Variants in JAM2 observed in about 807,000 individuals in gnomAD.
The protein encoded by JAM2 is junctional adhesion molecule B.
Under a neutral mutation model 42.0 loss-of-function variants are expected in JAM2, and 17 were observed. The ratio of observed to expected loss-of-function variants is 0.40; its 90% CI spans 0.28 to 0.61. The LOEUF is 0.61. Among genes scored for constraint, JAM2 ranks in the 20% least tolerant of loss-of-function variants. The pLI is 0.37. For synonymous variants in JAM2, 118 were observed against 128.6 expected, an observed-to-expected ratio of 0.92 and a Z score of 0.56; for missense variants, 319 against 358.3, an observed-to-expected ratio of 0.89 and a Z score of 0.89.
At chr21:25,677,673 T>A (rs1454762949) in intron 1 of JAM2, among the ~76,000 whole-genome samples, 1 of 152,210 alleles carries the variant, frequency 6.6e-6, no homozygotes. Flanking sequence ...TTCAAAGGTA[T>A]GATGATACAG....
intron 4 of JAM2, among the ~76,000 whole-genome samples, chr21:25,698,287 T>C (rs141233973): frequency 7.2e-5 from 11 of 152,328 alleles, no homozygotes; most frequent in African/African-American, 2.6e-4. Context: ...ATCTTCAATA[T>C]ATGACGTTCC....
chr21:25,640,551 C>A (rs1453270560), intron 1 of JAM2, among the ~76,000 whole-genome samples: 2 of 152,216 alleles, frequency 1.3e-5, no homozygotes, highest in African/African-American at 4.8e-5. Flanking sequence ...CCACATGATC[C>A]AGTAGCTGGG....
At chr21:25,702,332 G>A (rs2034183926) in intron 6 of JAM2, 63 bp downstream of exon 6, 3 of 987,892 alleles carry the variant, frequency 3.0e-6, no homozygotes, top group Middle Eastern at 2.1e-4. Context: ...ACAGCAGTTG[G>A]GGGTACAAGG....
chr21:25,704,635 T>A (rs946587979), intron 6 of JAM2, among the ~76,000 whole-genome samples: 3 of 152,246 alleles, frequency 2.0e-5, no homozygotes, highest in African/African-American at 7.2e-5. Context: ...TTTGAAGAAT[T>A]GCTCCTTTAA....
chr21:25,659,226 A>G (rs948649764), intron 1 of JAM2, among the ~76,000 whole-genome samples: 5 of 150,990 alleles, frequency 3.3e-5, no homozygotes, highest in African/African-American at 7.3e-5. Flanking sequence ...TAAAATGAAA[A>G]TAGAAAACAT....
At chr21:25,697,767 T>C (rs1398591419) in intron 4 of JAM2, among the ~76,000 whole-genome samples, 1 of 152,082 alleles carries the variant, frequency 6.6e-6, no homozygotes, top group Admixed American at 6.5e-5. Context: ...TAGCTGGTCG[T>C]GGTGGCTCGA....
At chr21:25,695,728 G>A (rs1430130201) in intron 4 of JAM2, among the ~76,000 whole-genome samples, 37 of 147,874 alleles carry the variant, frequency 2.5e-4, no homozygotes, top group South Asian at 4.3e-4. Context: ...GCTGCCAGGC[G>A]GAGGGGCTCC....
chr21:25,699,753 A>AAAT (rs2034126996), intron 5 of JAM2, among the ~76,000 whole-genome samples: 1 of 145,900 alleles, frequency 6.9e-6, no homozygotes, highest in Admixed American at 6.8e-5. Context: ...AAAAAAAAAA[A>AAAT]AATGCATGCT....
intron 1 of JAM2, among the ~76,000 whole-genome samples, chr21:25,672,681 G>C (rs935356385): frequency 4.6e-5 from 7 of 152,194 alleles, no homozygotes; most frequent in Non-Finnish European, 1.0e-4. Flanking sequence ...CATCTCTGCT[G>C]TAGAGGTGCG....
At chr21:25,652,391 CT>C (rs1189863874) in intron 1 of JAM2, among the ~76,000 whole-genome samples, 1 of 150,824 alleles carries the variant, frequency 6.6e-6, no homozygotes, top group East Asian at 1.9e-4. Context: ...GATGCTGTCT[CT>C]AAAAGAAAAA....
At chr21:25,696,355 C>T (rs2034033435) in intron 4 of JAM2, among the ~76,000 whole-genome samples, 1 of 152,128 alleles carries the variant, frequency 6.6e-6, no homozygotes, top group Non-Finnish European at 1.5e-5. Context: ...CCAGCTTCCG[C>T]TCGGCATCAG....
Position 25,689,980 on chromosome 21 carries a change from A to C in JAM2, c.241+7A>C. The C allele has an allele frequency of 6.4e-7, 1 of 1,562,336 alleles. No homozygotes were observed. ...TATCAACAGACTCTTCAAGGTAAGC[A>C]GCTGTAGGCTTGAAGAGGTGTGAGC... On this transcript the variant is annotated splice_region_variant and intron_variant, in intron 3 of 9. Coordinates refer to ENST00000480456, the MANE Select transcript of JAM2 (RefSeq NM_021219.4).
chr21:25,653,225 G>A (rs73897022), intron 1 of JAM2, among the ~76,000 whole-genome samples: 7,667 of 152,200 alleles, frequency 0.05, 244 homozygotes, highest in African/African-American at 0.083. Flanking sequence ...TAGGAGTTGA[G>A]GATAATAATA....
chr21:25,699,844 C>T (rs1034733760), intron 5 of JAM2, among the ~76,000 whole-genome samples: 8 of 149,974 alleles, frequency 5.3e-5, no homozygotes, highest in African/African-American at 2.0e-4. Context: ...CAGCTGTCTT[C>T]TGGCCTGGAA....
At chr21:25,670,472 C>T (rs1284738309) in intron 1 of JAM2, among the ~76,000 whole-genome samples, 1 of 151,706 alleles carries the variant, frequency 6.6e-6, no homozygotes, top group East Asian at 1.9e-4. Flanking sequence ...GGTGGCAGAG[C>T]AAGACCCTGT....
intron 1 of JAM2, among the ~76,000 whole-genome samples, chr21:25,671,801 G>A (rs371584993): frequency 6.6e-6 from 1 of 152,160 alleles, no homozygotes; most frequent in South Asian, 2.1e-4. Context: ...GAGCCACTGC[G>A]CCCAGCAGAA....
At chr21:25,682,211 G>T (rs1253772191) in intron 1 of JAM2, among the ~76,000 whole-genome samples, 1 of 152,190 alleles carries the variant, frequency 6.6e-6, no homozygotes, top group African/African-American at 2.4e-5. Flanking sequence ...TTATATTTTA[G>T]ATATGTATAC....
At chr21:25,665,248 C>A (rs2033188908) in intron 1 of JAM2, among the ~76,000 whole-genome samples, 1 of 152,180 alleles carries the variant, frequency 6.6e-6, no homozygotes, top group South Asian at 2.1e-4. Flanking sequence ...CCTTGACATG[C>A]CTCTGAAGAT....
chr21:25,683,745 T>C (rs2033688945), intron 1 of JAM2, 138 bp from the exon 2 acceptor site: 1 of 615,816 alleles, frequency 1.6e-6, no homozygotes, highest in East Asian at 3.0e-5. Context: ...ATTTTGATCC[T>C]TTAAAACTAT....
Sources: allele counts gnomAD v4.1 joint callset (sites outside exome capture counted in the v4.1 genomes callset), GRCh38; gene constraint gnomAD v4.1.1; transcripts MANE v1.5; gene names NCBI Gene and HGNC (gene_info 2026-07-23, HGNC 2026-07-21).